CFAP61: variants seen among roughly 807,000 people sequenced by gnomAD.
The protein encoded by CFAP61 is cilia- and flagella-associated protein 61.
Under a neutral mutation model 135.6 loss-of-function variants are expected in CFAP61, and 107 were observed. The observed-to-expected ratio is 0.79, with a 90% CI of 0.67 to 0.93. The LOEUF (loss-of-function observed/expected upper bound fraction) is 0.93, where lower values mean the gene tolerates loss of function less well. Among genes scored for constraint, CFAP61 ranks in the 40% least tolerant of loss-of-function variants. CFAP61 has a pLI of 0.00. For missense variants in CFAP61, 1,507 were observed against 1,556.2 expected, an observed-to-expected ratio of 0.97 and a Z score of 0.53; for synonymous variants, 575 against 578.5, an observed-to-expected ratio of 0.99 and a Z score of 0.09.
At chr20:20,245,428 A>C (rs2050371955) in intron 18 of CFAP61, among the ~76,000 whole-genome samples, 1 of 152,194 alleles carries the variant, frequency 6.6e-6, no homozygotes. Flanking sequence ...GAGCTTGTGC[A>C]GGGAAACTCC....
At chr20:20,283,471 T>G (rs573729845) in intron 22 of CFAP61, among the ~76,000 whole-genome samples, 58 of 152,228 alleles carry the variant, frequency 3.8e-4, no homozygotes, top group Non-Finnish European at 7.3e-4. Context: ...GTAGGCATCA[T>G]AAAGATTATA....
At chr20:20,065,606 T>G (rs887586845) in intron 2 of CFAP61, among the ~76,000 whole-genome samples, 21 of 139,104 alleles carry the variant, frequency 1.5e-4, no homozygotes, top group African/African-American at 4.7e-4. Context: ...ACTTATTTTA[T>G]AGACATTTTG....
intron 24 of CFAP61, among the ~76,000 whole-genome samples, chr20:20,295,710 G>C (rs1217680467): frequency 6.6e-6 from 1 of 152,068 alleles, no homozygotes; most frequent in Non-Finnish European, 1.5e-5. Flanking sequence ...ATCAGGTAAA[G>C]TTGACACCAG....
At chr20:20,116,620 G>T (rs1245535834) in intron 8 of CFAP61, among the ~76,000 whole-genome samples, 1 of 152,052 alleles carries the variant, frequency 6.6e-6, no homozygotes, top group African/African-American at 2.4e-5. Context: ...ATGGTGAGAG[G>T]TAGGGATCTA....
At chr20:20,337,482 A>ATGGATGGATAGATGGG in intron 25 of CFAP61, among the ~76,000 whole-genome samples, 1 of 138,492 alleles carries the variant, frequency 7.2e-6, no homozygotes, top group Non-Finnish European at 1.6e-5. Flanking sequence ...GGGTGGATGG[A>ATGGATGGATAGATGGG]TGGATGGATA....
chr20:20,242,155 G>T (rs1042737135), intron 18 of CFAP61, among the ~76,000 whole-genome samples: 11 of 152,234 alleles, frequency 7.2e-5, no homozygotes, highest in South Asian at 2.1e-4. Flanking sequence ...ATTGATAGCA[G>T]TTCCACATTT....
intron 23 of CFAP61, among the ~76,000 whole-genome samples, chr20:20,289,215 T>C (rs946101859): frequency 6.6e-6 from 1 of 152,192 alleles, no homozygotes; most frequent in Non-Finnish European, 1.5e-5. Context: ...AGGGAATGAT[T>C]ATTAACTTGT....
chr20:20,116,414 G>T (rs79833749), intron 8 of CFAP61, among the ~76,000 whole-genome samples: 1 of 152,004 alleles, frequency 6.6e-6, no homozygotes, highest in Non-Finnish European at 1.5e-5. Flanking sequence ...CCTTTGCCGC[G>T]CAGAAACTTT....
rs2053837581 is a variant in CFAP61 at position 20,166,414 on chromosome 20, A to G, written c.1223A>G (p.Asn408Ser). The G allele has an allele frequency of 6.2e-7, 1 of 1,613,766 alleles. No homozygotes were observed. The highest frequency in any genetic ancestry group is 1.7e-5 in the Admixed American group (1 of 59,996). Reference sequence around the variant, plus strand: ...GTTTACAGGTCGCTGGATTTTATGAATTTTGTTTTCAGTCTTTTTTCTGTA... The same window carrying G: ...GTTTACAGGTCGCTGGATTTTATGAGTTTTGTTTTCAGTCTTTTTTCTGTA... ...KYEARSLDFM[N>S]FVFSLFSDKN... The change falls in exon 12 of 27, where the codon AAT (asparagine) becomes AGT (serine). Residue 408 changes from asparagine (N) to serine (S), a missense_variant. Physicochemically the swap from Asn to Ser is conservative, Grantham distance 46. Coordinates refer to ENST00000245957, the MANE Select transcript of CFAP61 (RefSeq NM_015585.4).
At chr20:20,208,432 C>T (rs1412769048) in intron 17 of CFAP61, among the ~76,000 whole-genome samples, 1 of 152,216 alleles carries the variant, frequency 6.6e-6, no homozygotes, top group East Asian at 1.9e-4. Flanking sequence ...TTAGACTCCC[C>T]TGACCCGCTG....
At chr20:20,091,654 T>G (rs1459783266) in intron 7 of CFAP61, among the ~76,000 whole-genome samples, 3 of 152,092 alleles carry the variant, frequency 2.0e-5, no homozygotes, top group Non-Finnish European at 4.4e-5. Flanking sequence ...CAAAGCCAAG[T>G]AATTATGATT....
intron 3 of CFAP61, 128 bp downstream of exon 3, chr20:20,071,132 G>T: frequency 1.1e-6 from 1 of 950,468 alleles, no homozygotes; most frequent in South Asian, 1.8e-5. Context: ...AAAGTGAAGG[G>T]AGCTGGTGGG....
intron 8 of CFAP61, among the ~76,000 whole-genome samples, chr20:20,130,670 C>CA (rs1312757122): frequency 6.6e-6 from 1 of 151,746 alleles, no homozygotes; most frequent in African/African-American, 2.4e-5. Context: ...AGCAAACAGT[C>CA]AGAGTGCCAC....
At chr20:20,098,961 ATCCT>A in intron 8 of CFAP61, 147 bp downstream of exon 8, 1 of 708,992 alleles carries the variant, frequency 1.4e-6, no homozygotes, top group Non-Finnish European at 2.3e-6. Flanking sequence ...GGTTGGTCAC[ATCCT>A]TGTGAAATAC....
intron 26 of CFAP61, among the ~76,000 whole-genome samples, chr20:20,350,875 G>T (rs2058810952): frequency 6.6e-6 from 1 of 152,174 alleles, no homozygotes; most frequent in South Asian, 2.1e-4. Context: ...AGAAGGCAGA[G>T]AAAGCATTTG....
chr20:20,310,881 G>T (rs747799794), intron 25 of CFAP61, among the ~76,000 whole-genome samples: 1 of 152,168 alleles, frequency 6.6e-6, no homozygotes, highest in Non-Finnish European at 1.5e-5. Context: ...ACCTCCTCAG[G>T]GTGTTCCATG....
chr20:20,269,719 TG>T (rs1354125928), intron 21 of CFAP61, among the ~76,000 whole-genome samples: 4 of 152,244 alleles, frequency 2.6e-5, no homozygotes, highest in Non-Finnish European at 5.9e-5. Flanking sequence ...AATCTGTGAT[TG>T]CTACTTAAAA....
At chr20:20,336,625 TAAAA>T (rs35891459) in intron 25 of CFAP61, among the ~76,000 whole-genome samples, 1 of 146,212 alleles carries the variant, frequency 6.8e-6, no homozygotes, top group Admixed American at 6.8e-5. Flanking sequence ...AACCTGTCTC[TAAAA>T]AAAAAAAAAA....
chr20:20,158,698 A>G (rs2053154456), intron 9 of CFAP61, among the ~76,000 whole-genome samples: 1 of 152,264 alleles, frequency 6.6e-6, no homozygotes, highest in African/African-American at 2.4e-5. Flanking sequence ...AGTACAAACT[A>G]TAATGACAAA....
Sources: gnomAD v4.1 joint callset for allele counts (sites outside exome capture counted in the v4.1 genomes callset) on GRCh38, gnomAD v4.1.1 for gene constraint, MANE v1.5 for transcripts, NCBI Gene and HGNC (gene_info 2026-07-23, HGNC 2026-07-21) for gene names.